The following FGD4 variants were observed in gnomAD, a reference collection of about 807,000 sequenced individuals.
The protein encoded by FGD4 is FYVE, RhoGEF and PH domain-containing protein 4.
In FGD4, 42 loss-of-function variants were observed where a neutral mutation model predicts 102.0. The ratio of observed to expected loss-of-function variants is 0.41; its 90% CI spans 0.32 to 0.53. The LOEUF (loss-of-function observed/expected upper bound fraction) is 0.53. Ranked by LOEUF, FGD4 falls within the 20% of genes least tolerant of loss-of-function variation. The pLI is 0.21. For synonymous variants in FGD4, 380 were observed against 375.7 expected (o/e 1.01, Z -0.13); for missense variants, 902 against 1,078.2 (o/e 0.84, Z 2.29).
At chr12:32,600,688 T>G (rs1948367984) in intron 5 of FGD4, among the ~76,000 whole-genome samples, 1 of 151,548 alleles carries the variant, frequency 6.6e-6, no homozygotes, top group Non-Finnish European at 1.5e-5. Flanking sequence ...TGCATTATTA[T>G]TTACTAAAAA....
chr12:32,399,915 T>TA lies in FGD4; in HGVS notation c.123dup (p.Gly42ArgfsTer39). 6.6e-7 allele frequency: 1 copy of TA among 1,520,678 alleles called. No individual in the cohort carries two copies. The highest frequency in any genetic ancestry group is 8.8e-7 in the Non-Finnish European group (1 of 1,140,490). The allele number at this position is 1,520,678 out of a possible 1,614,324, so 94.2% of individuals were successfully genotyped here. ...AGGCCCGCGTCGCACCTGGGACGTG[T>TA]AGGGACCGCTGCCTTCAAGGGCCAG... is the stretch of plus-strand genomic sequence containing the variant. On this transcript the variant is annotated frameshift_variant, in exon 1 of 17. Coordinates refer to ENST00000534526, the MANE Select transcript of FGD4 (RefSeq NM_001370298.3). LOFTEE classifies it high-confidence loss of function.
At chr12:32,523,531 A>G (rs530855979) in intron 1 of FGD4, among the ~76,000 whole-genome samples, 13 of 152,340 alleles carry the variant, frequency 8.5e-5, no homozygotes, top group African/African-American at 3.1e-4. Context: ...TGGATGAAAG[A>G]GATGGGGTTA....
chr12:32,503,760 A>T (rs1342534670), intron 1 of FGD4, among the ~76,000 whole-genome samples: 2 of 152,138 alleles, frequency 1.3e-5, no homozygotes, highest in African/African-American at 4.8e-5. Context: ...TATTGGGATA[A>T]TTTTTTTCAC....
chr12:32,510,595 C>G (rs760822133), intron 1 of FGD4, among the ~76,000 whole-genome samples: 4 of 151,876 alleles, frequency 2.6e-5, no homozygotes, highest in Non-Finnish European at 4.4e-5. Context: ...GACGATAAAC[C>G]TGTTGTAAGT....
At chr12:32,637,874 G>A (rs1349060625) in intron 15 of FGD4, 2 of 152,240 alleles carry the variant, frequency 1.3e-5, no homozygotes, top group African/African-American at 4.8e-5. Flanking sequence ...CTCGACACAT[G>A]GGGATCGTGG....
intron 1 of FGD4, among the ~76,000 whole-genome samples, chr12:32,552,150 G>A (rs1943717190): frequency 1.3e-5 from 2 of 152,228 alleles, no homozygotes; most frequent in South Asian, 4.1e-4. Flanking sequence ...AGAGACACAT[G>A]TACTTGATTG....
intron 1 of FGD4, among the ~76,000 whole-genome samples, chr12:32,498,626 G>GTTTGTTTT (rs1385925257): frequency 1.3e-5 from 2 of 151,864 alleles, no homozygotes; most frequent in Non-Finnish European, 2.9e-5. Context: ...TTGTTTGTTT[G>GTTTGTTTT]AGACAGAGTC....
At chr12:32,558,266 G>A (rs562756480) in intron 1 of FGD4, among the ~76,000 whole-genome samples, 2 of 152,050 alleles carry the variant, frequency 1.3e-5, no homozygotes, top group African/African-American at 4.8e-5. Context: ...AGTGGTTTTT[G>A]GTTTTTTAAA....
In FGD4 at chr12:32,399,674, G is replaced by A. The variant is rs996500613; in HGVS notation, c.-120G>A. 3 of 1,449,344 alleles carry A rather than the reference G, an allele frequency of 2.1e-6. No individual in the cohort carries two copies. Among genetic ancestry groups the A allele is most frequent in the Non-Finnish European group, 2.7e-6 (3 of 1,111,468 alleles). 89.8% of individuals were successfully genotyped at this position (1,449,344 alleles called of 1,614,324 possible). ...AGGAGGCACTCGCTGAGGAGACGCC[G>A]CAGTAGAGGGCGCCCCCGGAGTCGC... is the stretch of plus-strand genomic sequence containing the variant. On this transcript the variant is annotated 5_prime_UTR_variant, in exon 1 of 17. Coordinates refer to ENST00000534526, the MANE Select transcript of FGD4 (RefSeq NM_001370298.3).
intron 3 of FGD4, among the ~76,000 whole-genome samples, chr12:32,578,273 T>C (rs996347156): frequency 6.6e-6 from 1 of 152,226 alleles, no homozygotes; most frequent in African/African-American, 2.4e-5. Context: ...AGTGAGGTAT[T>C]ACCACTACAG....
chr12:32,536,106 A>G (rs1354131808), intron 1 of FGD4, among the ~76,000 whole-genome samples: 2 of 152,172 alleles, frequency 1.3e-5, no homozygotes, highest in African/African-American at 4.8e-5. Context: ...AATGACCTGA[A>G]AAAACTTCTC....
At chr12:32,620,520 CTTTTTTTTTTTTTT>C (rs1233071153) in intron 11 of FGD4, among the ~76,000 whole-genome samples, 1 of 91,136 alleles carries the variant, frequency 1.1e-5, no homozygotes, top group Non-Finnish European at 2.0e-5. Flanking sequence ...TTTTTTCTTT[CTTTTTTTTTTTTTT>C]TTTTTTTTTG....
intron 10 of FGD4, among the ~76,000 whole-genome samples, chr12:32,613,361 C>G (rs541874344): frequency 3.9e-5 from 6 of 152,118 alleles, no homozygotes; most frequent in African/African-American, 1.4e-4. Flanking sequence ...AAAAACTATG[C>G]GTAGATTTCA....
At chr12:32,563,959 C>T (rs1020841296) in intron 1 of FGD4, among the ~76,000 whole-genome samples, 178 bp from the exon 2 acceptor site, 3 of 144,198 alleles carry the variant, frequency 2.1e-5, no homozygotes, top group Non-Finnish European at 4.5e-5. Flanking sequence ...CAGTACAGTC[C>T]AGCTTCGGCT....
At chr12:32,481,306 AT>A (rs1565767505) in intron 1 of FGD4, among the ~76,000 whole-genome samples, 1 of 152,002 alleles carries the variant, frequency 6.6e-6, no homozygotes, top group African/African-American at 2.4e-5. Context: ...CCATACAAAA[AT>A]TAGCTGCCAA....
chr12:32,579,039 GT>G (rs35186090), intron 3 of FGD4, among the ~76,000 whole-genome samples: 5,523 of 65,984 alleles, frequency 0.084, 65 homozygotes, highest in Middle Eastern at 0.19. Context: ...AACATTAGTG[GT>G]TTTTTTTTTT....
intron 1 of FGD4, among the ~76,000 whole-genome samples, chr12:32,507,281 A>G (rs186826753): frequency 1.1e-3 from 165 of 152,208 alleles, no homozygotes; most frequent in Middle Eastern, 6.8e-3. Context: ...ATGGCTGCAT[A>G]GTATTCCATG....
chr12:32,451,257 A>G (rs1391957139), intron 1 of FGD4, among the ~76,000 whole-genome samples: 3 of 152,180 alleles, frequency 2.0e-5, no homozygotes, highest in East Asian at 3.8e-4. Flanking sequence ...TCTCATATCA[A>G]TGGTTATGCA....
At chr12:32,559,551 A>G (rs1178081258) in intron 1 of FGD4, among the ~76,000 whole-genome samples, 1 of 152,222 alleles carries the variant, frequency 6.6e-6, no homozygotes, top group Non-Finnish European at 1.5e-5. Context: ...ATGTTCTGAA[A>G]TGTTGATCTA....
Sources: allele counts gnomAD v4.1 joint callset (sites outside exome capture counted in the v4.1 genomes callset), GRCh38; gene constraint gnomAD v4.1.1; transcripts MANE v1.5; gene names NCBI Gene and HGNC (gene_info 2026-07-23, HGNC 2026-07-21).